ARFGEF2: variants seen among roughly 807,000 people sequenced by gnomAD.
The protein encoded by ARFGEF2 is ARF guanine nucleotide exchange factor 2.
Under a neutral mutation model 219.9 loss-of-function variants are expected in ARFGEF2, and 74 were observed. That is an observed-to-expected ratio of 0.34 (90% CI 0.28 to 0.41). The LOEUF is 0.41. ARFGEF2 is among the 10% of genes least tolerant of loss of function. The pLI is 1.00. For synonymous variants in ARFGEF2, 733 were observed against 799.2 expected (o/e 0.92, Z 1.40); for missense variants, 1,743 against 2,218.3 (o/e 0.79, Z 4.30).
At chr20:48,928,222 G>A (rs1215745183) in intron 1 of ARFGEF2, among the ~76,000 whole-genome samples, 12 of 130,346 alleles carry the variant, frequency 9.2e-5, no homozygotes, top group Admixed American at 9.1e-4. Flanking sequence ...TTTTTGAGAC[G>A]GAGTCTCGCT....
At chr20:48,968,675 A>G (rs1470165085) in intron 8 of ARFGEF2, among the ~76,000 whole-genome samples, 1 of 152,184 alleles carries the variant, frequency 6.6e-6, no homozygotes, top group African/African-American at 2.4e-5. Context: ...TTACAATAGT[A>G]TTCTTAGAAA....
intron 10 of ARFGEF2, among the ~76,000 whole-genome samples, chr20:48,972,121 C>T (rs1046563097): frequency 6.6e-6 from 1 of 152,194 alleles, no homozygotes; most frequent in African/African-American, 2.4e-5. Context: ...TTCCACTTGG[C>T]AGCTCCCCAG....
chr20:48,973,414 C>T, intron 12 of ARFGEF2, 130 bp downstream of exon 12: 1 of 956,990 alleles, frequency 1.0e-6, no homozygotes, highest in Non-Finnish European at 1.6e-6. Flanking sequence ...TATTCACACA[C>T]TTCCTGCCAT....
chr20:48,958,423 A>G (rs1262991748), intron 6 of ARFGEF2, among the ~76,000 whole-genome samples: 1 of 148,708 alleles, frequency 6.7e-6, no homozygotes, highest in South Asian at 2.1e-4. Context: ...ACAAGGGAAC[A>G]TTTTTTCTCT....
intron 26 of ARFGEF2, among the ~76,000 whole-genome samples, chr20:49,007,344 T>C (rs6019579): frequency 0.99 from 148,193 of 149,974 alleles, 73,240 homozygotes; most frequent in Middle Eastern, 1. Context: ...GGCTGGAGTG[T>C]AATGGTATGA....
chr20:48,928,597 C>G (rs192090895), intron 1 of ARFGEF2, among the ~76,000 whole-genome samples: 148 of 150,704 alleles, frequency 9.8e-4, no homozygotes, highest in African/African-American at 3.5e-3. Context: ...TGGGTTCACG[C>G]CATTCTCCTG....
At chr20:49,015,240 A>G (rs574966464) in intron 30 of ARFGEF2, among the ~76,000 whole-genome samples, 139 of 152,170 alleles carry the variant, frequency 9.1e-4, no homozygotes, top group African/African-American at 2.9e-3. Context: ...CAGCCTCCCA[A>G]GTAGCTGGGA....
chr20:48,958,016 G>A (rs532562449), intron 6 of ARFGEF2, among the ~76,000 whole-genome samples: 48 of 152,232 alleles, frequency 3.2e-4, no homozygotes, highest in African/African-American at 1.1e-3. Context: ...TTTCTCCTTA[G>A]GAATGAAAGA....
chr20:48,996,552 C>T (rs1443900993), intron 23 of ARFGEF2, among the ~76,000 whole-genome samples: 1 of 151,708 alleles, frequency 6.6e-6, no homozygotes, highest in East Asian at 1.9e-4. Context: ...TCCTGGCCAA[C>T]ATGGTGAAAC....
In ARFGEF2 at chr20:48,951,244, T is replaced by C. The variant is rs1011990356; in HGVS notation, c.277-79T>C. On this transcript the variant is annotated intron_variant, in intron 3 of 38. Transcript: ENST00000371917. Reference sequence around the variant, plus strand: ...CTGTAGGAACTGGAAGTGCCTGTCTTTTGCTCTTGTGGGCTGCCACGGAAG... The same window carrying C: ...CTGTAGGAACTGGAAGTGCCTGTCTCTTGCTCTTGTGGGCTGCCACGGAAG... 6 of 1,562,238 alleles carry C rather than the reference T, an allele frequency of 3.8e-6. No homozygotes were observed. In the African/African-American group the frequency reaches 6.8e-5, roughly 18 times the overall value.
At chr20:48,931,956 G>A (rs539446874) in intron 1 of ARFGEF2, among the ~76,000 whole-genome samples, 2 of 152,320 alleles carry the variant, frequency 1.3e-5, no homozygotes, top group South Asian at 4.1e-4. Context: ...GAAAAGCTGT[G>A]GGGTGGAAGG....
chr20:48,933,203 TGGCAGTTGGGAA>T (rs1225603876), intron 1 of ARFGEF2, among the ~76,000 whole-genome samples: 2 of 152,196 alleles, frequency 1.3e-5, no homozygotes, highest in African/African-American at 4.8e-5. Context: ...ATTGCCCCAT[TGGCAGTTGGGAA>T]GGCAACGCCT....
intron 26 of ARFGEF2, among the ~76,000 whole-genome samples, chr20:49,007,342 T>C (rs1600539539): frequency 6.8e-6 from 1 of 147,848 alleles, no homozygotes; most frequent in Non-Finnish European, 1.5e-5. Context: ...GAGGCTGGAG[T>C]GTAATGGTAT....
chr20:49,000,770 G>A lies in ARFGEF2; in HGVS notation c.3432+2265G>A, dbSNP rs138294236. Among the ~76,000 whole-genome samples the A allele has an allele frequency of 1.9e-3, 288 of 152,274 alleles. 2 individuals are homozygous for A. Among genetic ancestry groups the A allele is most frequent in the African/African-American group, 6.6e-3 (275 of 41,550 alleles). ...AGAAATGACTAGCTAAAAGTGTTTTGGTAAACGTTTTCCCAACTCTTTAAA... is the reference window on the plus strand; with the variant it reads ...AGAAATGACTAGCTAAAAGTGTTTTAGTAAACGTTTTCCCAACTCTTTAAA... On this transcript the variant is annotated intron_variant, in intron 25 of 38. Transcript: ENST00000371917.
Position 48,985,389 on chromosome 20 carries a change from G to GT in ARFGEF2, c.2071-18dup. The GT allele has an allele frequency of 6.2e-7, 1 of 1,613,730 alleles. No individual in the cohort carries two copies. The highest frequency in any genetic ancestry group is 8.5e-7 in the Non-Finnish European group (1 of 1,179,672). On this transcript the variant is annotated intron_variant, in intron 15 of 38. Coordinates refer to ENST00000371917, the MANE Select transcript of ARFGEF2 (RefSeq NM_006420.3). ...CGTATTTGACAATTTCTGGATATAAGTGAGTGTGTATGTTTCAGACCCAAG... is the reference window on the plus strand; with the variant it reads ...CGTATTTGACAATTTCTGGATATAAGTTGAGTGTGTATGTTTCAGACCCAAG...
intron 13 of ARFGEF2, among the ~76,000 whole-genome samples, chr20:48,975,803 A>AAAAAAAAAAAAAAG (rs2091257596): frequency 6.6e-6 from 1 of 151,874 alleles, no homozygotes; most frequent in African/African-American, 2.4e-5. Flanking sequence ...TCCATCTCAA[A>AAAAAAAAAAAAAAG]AAAAAAAAAG....
intron 10 of ARFGEF2, 83 bp from the exon 11 acceptor site, chr20:48,972,243 G>A (rs2091232876): frequency 3.1e-6 from 3 of 962,474 alleles, no homozygotes; most frequent in African/African-American, 1.6e-5. Context: ...TGCACGACTG[G>A]GTTGGCTGCT....
chr20:48,998,163 T>A, intron 23 of ARFGEF2, 30 bp from the exon 24 acceptor site: 1 of 1,609,996 alleles, frequency 6.2e-7, no homozygotes, highest in East Asian at 2.2e-5. Flanking sequence ...CCCGGTCTAA[T>A]GTTTATTTTG....
At chr20:48,927,856 C>G (rs2090887912) in intron 1 of ARFGEF2, among the ~76,000 whole-genome samples, 2 of 152,046 alleles carry the variant, frequency 1.3e-5, no homozygotes, top group South Asian at 4.1e-4. Flanking sequence ...ACTCAGGACC[C>G]TGGAAGATTA....
Sources: gnomAD v4.1 joint callset for allele counts (sites outside exome capture counted in the v4.1 genomes callset) on GRCh38, gnomAD v4.1.1 for gene constraint, MANE v1.5 for transcripts, NCBI Gene and HGNC (gene_info 2026-07-23, HGNC 2026-07-21) for gene names.